PDGFD: variants seen among roughly 807,000 people sequenced by gnomAD.
PDGFD encodes platelet derived growth factor D, also known as platelet-derived growth factor D.
In PDGFD, 30 loss-of-function variants were observed where a neutral mutation model predicts 44.7. The observed-to-expected ratio is 0.67, with a 90% CI of 0.50 to 0.91. The LOEUF is 0.91. Ranked by LOEUF, PDGFD falls within the 40% of genes least tolerant of loss-of-function variation. The pLI is 0.00. For missense variants in PDGFD, 445 were observed against 457.8 expected (o/e 0.97, Z 0.25); for synonymous variants, 173 against 168.4 (o/e 1.03, Z -0.21).
chr11:104,070,544 T>G (rs1311837041), intron 1 of PDGFD, among the ~76,000 whole-genome samples: 1 of 152,238 alleles, frequency 6.6e-6, no homozygotes, highest in East Asian at 1.9e-4. Context: ...AAAGTTCTTT[T>G]TGTCATTAGA....
intron 2 of PDGFD, among the ~76,000 whole-genome samples, chr11:103,997,165 G>C (rs1024835791): frequency 3.3e-5 from 5 of 152,102 alleles, no homozygotes; most frequent in South Asian, 2.1e-4. Flanking sequence ...TTCAGTTTTG[G>C]TCATCAGTAT....
At chr11:104,160,798 G>T (rs1032173609) in intron 1 of PDGFD, among the ~76,000 whole-genome samples, 2 of 152,144 alleles carry the variant, frequency 1.3e-5, no homozygotes, top group South Asian at 4.1e-4. Context: ...TTCAGAACAA[G>T]AATACCCTAT....
At chr11:104,111,602 C>A (rs1379279654) in intron 1 of PDGFD, among the ~76,000 whole-genome samples, 1 of 152,038 alleles carries the variant, frequency 6.6e-6, no homozygotes, top group South Asian at 2.1e-4. Context: ...CCATTCTATA[C>A]CATTTTAGGT....
chr11:104,100,897 T>A (rs116844303), intron 1 of PDGFD, among the ~76,000 whole-genome samples: 8,377 of 152,104 alleles, frequency 0.055, 352 homozygotes, highest in African/African-American at 0.12. Context: ...GACAAAATTT[T>A]ACAACCCTTC....
At chr11:103,977,783 A>C (rs537178128) in intron 3 of PDGFD, among the ~76,000 whole-genome samples, 1 of 152,114 alleles carries the variant, frequency 6.6e-6, no homozygotes, top group South Asian at 2.1e-4. Context: ...CTTGCCACTT[A>C]TTATGTATTT....
intron 1 of PDGFD, among the ~76,000 whole-genome samples, chr11:104,059,467 C>T (rs1302963913): frequency 1.3e-5 from 2 of 152,024 alleles, no homozygotes; most frequent in Non-Finnish European, 2.9e-5. Flanking sequence ...TGTAACATCC[C>T]TCTCTCCCCC....
intron 1 of PDGFD, among the ~76,000 whole-genome samples, chr11:104,118,823 T>G (rs866282347): frequency 0.01 from 423 of 42,010 alleles, 3 homozygotes; most frequent in African/African-American, 0.032. Flanking sequence ...TATTATATAT[T>G]ATAAATATTA....
intron 1 of PDGFD, among the ~76,000 whole-genome samples, chr11:104,090,577 C>T (rs1042945583): frequency 4.0e-5 from 6 of 150,244 alleles, no homozygotes; most frequent in African/African-American, 9.8e-5. Context: ...TGCAGTGAGC[C>T]GACATCACAC....
Sources: allele counts gnomAD v4.1 joint callset (sites outside exome capture counted in the v4.1 genomes callset), GRCh38; gene constraint gnomAD v4.1.1; transcripts MANE v1.5; gene names NCBI Gene and HGNC (gene_info 2026-07-23, HGNC 2026-07-21).